The following MYO7A variants were observed in gnomAD, a reference collection of about 807,000 sequenced individuals.
MYO7A encodes the protein unconventional myosin-VIIa.
A neutral mutation model predicts 263.8 loss-of-function variants in MYO7A; 210 were observed. That is an observed-to-expected ratio of 0.80 (90% confidence interval 0.71 to 0.89). MYO7A has a LOEUF of 0.89. Among genes scored for constraint, MYO7A ranks in the 40% least tolerant of loss-of-function variants. MYO7A has a pLI of 0.00. For missense variants in MYO7A, 2,820 were observed against 2,968.3 expected (o/e 0.95, Z 1.16); for synonymous variants, 1,239 against 1,197.3 (o/e 1.03, Z -0.72).
intron 19 of MYO7A, 128 bp downstream of exon 19, chr11:77,177,771 C>A: frequency 1.4e-6 from 1 of 693,374 alleles, no homozygotes; most frequent in Non-Finnish European, 2.5e-6. Flanking sequence ...AACAAGTGCA[C>A]ACATGCATGG....
In MYO7A at chr11:77,177,559, A is replaced by G. The variant is rs782672222; in HGVS notation, c.2198A>G (p.Asp733Gly). The stretch of plus-strand genomic sequence containing the variant: ...AGCTCTGCCTCCTAGGACCACCATG[A>G]CATGCTGCTGGAAGTGGAGCGGGAC... ...KTKIFLKDHH[D>G]MLLEVERDKA... Residue 733 changes from aspartate (D) to glycine (G), a missense_variant, in exon 19 of 49, where the codon GAC (aspartate) becomes GGC (glycine). Coordinates refer to ENST00000409709, the MANE Select transcript of MYO7A (RefSeq NM_000260.4). 2 of 1,610,814 alleles carry G rather than the reference A, an allele frequency of 1.2e-6. No homozygotes were observed. Among genetic ancestry groups the G allele is most frequent in the African/African-American group, 1.3e-5 (1 of 74,886 alleles).
chr11:77,203,018 G>A (rs1169181963), intron 37 of MYO7A, 42 bp from the exon 38 acceptor site: 1 of 1,539,406 alleles, frequency 6.5e-7, no homozygotes, highest in Admixed American at 2.0e-5. Context: ...CCCCGGGGCT[G>A]CCAGCGATGG....
intron 38 of MYO7A, 94 bp downstream of exon 38, chr11:77,203,311 C>T (rs1010510618): frequency 8.6e-6 from 12 of 1,401,570 alleles, no homozygotes; most frequent in East Asian, 5.0e-5. Context: ...TGCTGCGACC[C>T]GGGCACACAT....
At chr11:77,137,853 T>G (rs1950967453) in intron 2 of MYO7A, among the ~76,000 whole-genome samples, 1 of 152,256 alleles carries the variant, frequency 6.6e-6, no homozygotes, top group East Asian at 1.9e-4. Context: ...AAGGAAACTG[T>G]ATCTGCCCTC....
chr11:77,167,606 G>A (rs1177046419), intron 15 of MYO7A, among the ~76,000 whole-genome samples: 2 of 152,146 alleles, frequency 1.3e-5, no homozygotes, highest in Non-Finnish European at 2.9e-5. Context: ...CCCCAAAGGT[G>A]CTGGGTACCC....
chr11:77,176,341 T>A (rs1436140786), intron 18 of MYO7A, among the ~76,000 whole-genome samples: 2 of 152,244 alleles, frequency 1.3e-5, no homozygotes, highest in Non-Finnish European at 1.5e-5. Context: ...CCCACAGCTG[T>A]CAGCCAGAAA....
At chr11:77,144,368 C>A (rs1022892259) in intron 3 of MYO7A, among the ~76,000 whole-genome samples, 4 of 152,162 alleles carry the variant, frequency 2.6e-5, no homozygotes, top group African/African-American at 7.2e-5. Flanking sequence ...ACTCTGTCTG[C>A]AGGCTTGAGT....
chr11:77,165,585 C>G (rs1953459155), intron 14 of MYO7A, among the ~76,000 whole-genome samples: 1 of 152,220 alleles, frequency 6.6e-6, no homozygotes, highest in African/African-American at 2.4e-5. Flanking sequence ...TAATCCCTAC[C>G]TGTCCCACAT....
At chr11:77,142,855 C>A (rs781819681) in intron 3 of MYO7A, 33 bp downstream of exon 3, 10 of 1,527,590 alleles carry the variant, frequency 6.5e-6, no homozygotes, top group Admixed American at 1.9e-5. Context: ...CTGCCCCATG[C>A]CTTGGGGTCA....
At position 77,185,599 on chromosome 11, in the gene MYO7A, T is replaced by C. The variant is rs1555087950; in HGVS notation, c.3503+884T>C. Among the ~76,000 whole-genome samples the C allele has an allele frequency of 2.0e-5, 3 of 152,224 alleles. No individual in the cohort carries two copies. In the South Asian group the frequency reaches 6.2e-4, roughly 32 times the overall value. ...TATTTCCACCACATCTGCAGTTACT[T>C]CCTCTTGAAGTCTTGAGCCCCTCAG... On this transcript the variant is annotated intron_variant, in intron 27 of 48. Transcript: ENST00000409709.
intron 1 of MYO7A, among the ~76,000 whole-genome samples, chr11:77,129,086 G>T (rs1197747479): frequency 2.6e-5 from 4 of 152,194 alleles, no homozygotes; most frequent in African/African-American, 9.7e-5. Context: ...TTAAAATGTG[G>T]CCCTTAAATT....
chr11:77,180,262 T>TCTGC, intron 21 of MYO7A, 112 bp from the exon 22 acceptor site: 6 of 900,834 alleles, frequency 6.7e-6, no homozygotes, highest in Non-Finnish European at 7.0e-6. Context: ...ACTTGTCCTA[T>TCTGC]CAAAGTCATG....
At chr11:77,154,638 C>T (rs1952275794) in intron 4 of MYO7A, among the ~76,000 whole-genome samples, 1 of 151,720 alleles carries the variant, frequency 6.6e-6, no homozygotes, top group South Asian at 2.1e-4. Context: ...CACCCCACCC[C>T]AGCTCTTCCT....
Position 77,194,389 on chromosome 11 carries a change from C to T in MYO7A, c.4188C>T (p.Tyr1396=). Residue 1396 remains tyrosine, a synonymous_variant, in exon 32 of 49, where the codon TAC becomes TAT. Coordinates refer to ENST00000409709, the MANE Select transcript of MYO7A (RefSeq NM_000260.4). Reference sequence around the variant, plus strand: ...TGGCTGAGCTGGCCTCCCAGCAGTACTTTGTAGACTATGGCTCTGAGATGA... The same window carrying T: ...TGGCTGAGCTGGCCTCCCAGCAGTATTTTGTAGACTATGGCTCTGAGATGA... ...DDLAELASQQ[Y]FVDYGSEMIL... The T allele has an allele frequency of 6.2e-7, 1 of 1,612,914 alleles. No homozygotes were observed. The highest frequency in any genetic ancestry group is 8.5e-7 in the Non-Finnish European group (1 of 1,179,468).
chr11:77,208,590 G>A (rs1957625130), intron 43 of MYO7A, 73 bp downstream of exon 43: 8 of 1,524,882 alleles, frequency 5.2e-6, no homozygotes, highest in East Asian at 2.4e-5. Context: ...GTGCCGTGAG[G>A]CCCACCTAGG....
chr11:77,190,795 CTGCAACGCGCT>C lies in MYO7A; in HGVS notation c.3850_3860del (p.Cys1284GlyfsTer20). ...ACTCGGCAACCACGGCCAAGGAGCT[CTGCAACGCGCT>C]GGCCGACAAGATCTCTCTCAAGGAC... On this transcript the variant is annotated frameshift_variant, in exon 30 of 49. Transcript: ENST00000409709. LOFTEE classifies it high-confidence loss of function. The C allele has an allele frequency of 6.3e-7, 1 of 1,592,936 alleles. No homozygotes were observed.
chr11:77,191,775 G>A (rs1211972292), intron 30 of MYO7A, among the ~76,000 whole-genome samples: 2 of 152,244 alleles, frequency 1.3e-5, no homozygotes, highest in African/African-American at 2.4e-5. Flanking sequence ...ATGCTCTTAT[G>A]TTTCCAGGTA....
chr11:77,151,969 C>T (rs573017435), intron 4 of MYO7A, among the ~76,000 whole-genome samples: 2 of 152,306 alleles, frequency 1.3e-5, no homozygotes, highest in Admixed American at 6.5e-5. Context: ...TGCTGTGTGA[C>T]CTTGGCAAGT....
chr11:77,208,552 C>A, intron 43 of MYO7A, 35 bp downstream of exon 43: 1 of 1,592,096 alleles, frequency 6.3e-7, no homozygotes, highest in East Asian at 2.3e-5. Flanking sequence ...ATCTGAGGCC[C>A]AGAGCAGGGA....
Sources: gnomAD v4.1 joint callset for allele counts (sites outside exome capture counted in the v4.1 genomes callset) on GRCh38, gnomAD v4.1.1 for gene constraint, MANE v1.5 for transcripts, NCBI Gene and HGNC (gene_info 2026-07-23, HGNC 2026-07-21) for gene names.